The following PRDM5 variants were observed in gnomAD, a reference collection of about 807,000 sequenced individuals.
PRDM5 encodes the protein PR domain zinc finger protein 5.
A neutral mutation model predicts 81.2 loss-of-function variants in PRDM5; 56 were observed. The observed-to-expected ratio is 0.69, with a 90% confidence interval of 0.56 to 0.86. PRDM5 has a LOEUF of 0.86. Among genes scored for constraint, PRDM5 ranks in the 40% least tolerant of loss-of-function variants. The pLI is 0.00. For synonymous variants in PRDM5, 267 were observed against 256.4 expected, an observed-to-expected ratio of 1.04 and a Z score of -0.39; for missense variants, 697 against 770.1, an observed-to-expected ratio of 0.91 and a Z score of 1.12.
At chr4:120,838,891 G>T in intron 3 of PRDM5, 1 of 303,616 alleles carries the variant, frequency 3.3e-6, no homozygotes, top group Non-Finnish European at 6.3e-6. Flanking sequence ...GGAGCGGCAA[G>T]GGGTGTGAGA....
At chr4:120,739,200 C>A (rs1236921086) in intron 14 of PRDM5, among the ~76,000 whole-genome samples, 1 of 152,214 alleles carries the variant, frequency 6.6e-6, no homozygotes, top group Non-Finnish European at 1.5e-5. Flanking sequence ...TCTGTTCCAG[C>A]CTCGGATATC....
chr4:120,697,253 G>A (rs1404363059), intron 15 of PRDM5, among the ~76,000 whole-genome samples: 1 of 152,076 alleles, frequency 6.6e-6, no homozygotes, highest in Non-Finnish European at 1.5e-5. Context: ...TACAAAATGA[G>A]GCTGATAGAG....
Position 120,853,391 on chromosome 4 carries a change from G to C in PRDM5, c.300+27C>G, listed in dbSNP as rs1319781599. On this transcript the variant is annotated intron_variant, in intron 3 of 15. Transcript: ENST00000264808. ...AATTCATCCCCCCTCACAGTGCATAGTACAAATGAGAAGCAAATAAGCTCA... is the reference window on the plus strand; with the variant it reads ...AATTCATCCCCCCTCACAGTGCATACTACAAATGAGAAGCAAATAAGCTCA... The C allele has an allele frequency of 1.9e-6, 3 of 1,613,468 alleles. No homozygotes were observed. The South Asian group carries it at 3.3e-5, about 18-fold the overall frequency.
intron 15 of PRDM5, among the ~76,000 whole-genome samples, chr4:120,701,924 C>A (rs549824563): frequency 6.6e-6 from 1 of 152,168 alleles, no homozygotes; most frequent in Non-Finnish European, 1.5e-5. Flanking sequence ...ACTCTGAAAA[C>A]TAAAGCCTAG....
At position 120,922,723 on chromosome 4, in the gene PRDM5, A is replaced by C; in HGVS notation, c.-115T>G. The C allele has an allele frequency of 7.1e-7, 1 of 1,409,406 alleles. No homozygotes were observed. Among genetic ancestry groups the C allele is most frequent in the Non-Finnish European group, 9.8e-7 (1 of 1,025,514 alleles). The allele number at this position is 1,409,406 out of a possible 1,614,324, so 87.3% of individuals were successfully genotyped here. ...GGGGAGAAACCGGCAGGGAAGGAGG[A>C]AATGGAGTTTTCCTCCCAGAATCCC... On this transcript the variant is annotated 5_prime_UTR_variant, in exon 1 of 16. Coordinates refer to ENST00000264808, the MANE Select transcript of PRDM5 (RefSeq NM_018699.4).
chr4:120,870,657 C>T (rs343208), intron 2 of PRDM5, among the ~76,000 whole-genome samples: 2,741 of 152,226 alleles, frequency 0.018, 71 homozygotes, highest in African/African-American at 0.062. Context: ...GTGAATTAAA[C>T]GTGAAGCTGT....
At chr4:120,811,028 CCTT>C (rs1460463914) in intron 8 of PRDM5, among the ~76,000 whole-genome samples, 2 of 152,060 alleles carry the variant, frequency 1.3e-5, no homozygotes, top group Non-Finnish European at 2.9e-5. Context: ...AATACCATCT[CCTT>C]CTCTTTTGTA....
intron 14 of PRDM5, among the ~76,000 whole-genome samples, chr4:120,734,259 T>G (rs35588958): frequency 0.17 from 26,348 of 151,594 alleles, 2,822 homozygotes; most frequent in Non-Finnish European, 0.25. Context: ...TTGTTTGTTT[T>G]TTTTTTAGCA....
intron 2 of PRDM5, among the ~76,000 whole-genome samples, chr4:120,868,573 T>C (rs1487510163): frequency 4.6e-5 from 7 of 152,150 alleles, no homozygotes; most frequent in Non-Finnish European, 8.8e-5. Flanking sequence ...AGAGAGATGA[T>C]ACAAACTTAG....
At chr4:120,771,038 T>A (rs1747215877) in intron 13 of PRDM5, among the ~76,000 whole-genome samples, 1 of 152,158 alleles carries the variant, frequency 6.6e-6, no homozygotes, top group East Asian at 1.9e-4. Flanking sequence ...TTTCTTTTCA[T>A]GTTATTTAGT....
At chr4:120,714,844 T>G (rs1737518000) in intron 14 of PRDM5, among the ~76,000 whole-genome samples, 2 of 152,128 alleles carry the variant, frequency 1.3e-5, no homozygotes, top group Non-Finnish European at 2.9e-5. Context: ...TGTTTTAAGT[T>G]GATTTATTGC....
chr4:120,918,053 A>G (rs1724420284), intron 1 of PRDM5, among the ~76,000 whole-genome samples: 1 of 152,040 alleles, frequency 6.6e-6, no homozygotes, highest in Non-Finnish European at 1.5e-5. Context: ...TGTCTCTGTC[A>G]CTCGCTTTTC....
chr4:120,745,492 G>C (rs2149123736), intron 14 of PRDM5, among the ~76,000 whole-genome samples: 1 of 151,104 alleles, frequency 6.6e-6, no homozygotes, highest in East Asian at 1.9e-4. Context: ...AAGTCAAATT[G>C]TCCCTGTTTG....
rs1257354021 is a variant in PRDM5 at position 120,746,823 on chromosome 4, T to G, written c.1623+7730A>C. On this transcript the variant is annotated intron_variant, in intron 14 of 15. Transcript: ENST00000264808. ...GGATGTGGAGAAATAGGAACACTTTTACACTGTTGGTGGGACTGTAAACTA... is the reference window on the plus strand; with the variant it reads ...GGATGTGGAGAAATAGGAACACTTTGACACTGTTGGTGGGACTGTAAACTA... Among the ~76,000 whole-genome samples the G allele has an allele frequency of 1.8e-4, 26 of 144,782 alleles. 4 individuals carry two copies. Among genetic ancestry groups the G allele is most frequent in the African/African-American group, 6.2e-4 (24 of 39,010 alleles). The allele number at this position is 144,782 out of a possible 152,430, so 95.0% of individuals were successfully genotyped here. A position where few individuals can be genotyped will look rare whatever the true frequency, so the allele number is the denominator to read the frequency against.
At chr4:120,802,899 A>C (rs1752348684) in intron 8 of PRDM5, among the ~76,000 whole-genome samples, 1 of 152,222 alleles carries the variant, frequency 6.6e-6, no homozygotes, top group South Asian at 2.1e-4. Flanking sequence ...TCAGACGATC[A>C]AACTTCTCCG....
At chr4:120,891,650 T>TC (rs1210920485) in intron 2 of PRDM5, among the ~76,000 whole-genome samples, 3 of 150,616 alleles carry the variant, frequency 2.0e-5, no homozygotes, top group Non-Finnish European at 2.9e-5. Flanking sequence ...CTTTCTAACT[T>TC]TTTTTTTGAG....
rs149367073 is a variant in PRDM5 at position 120,798,284 on chromosome 4, A to G, written c.1171T>C (p.Tyr391His). The G allele has an allele frequency of 1.2e-6, 2 of 1,603,984 alleles. No individual in the cohort carries two copies. Among genetic ancestry groups the G allele is most frequent in the Non-Finnish European group, 1.7e-6 (2 of 1,175,086 alleles). ...CGKGFAHRNV[Y>H]KNHKKTHSEE... ...AGTTTTACCTTCTTATGATTCTTGT[A>G]AACATTTCTGTGGGCAAATCCCTTT... The change falls in exon 10 of 16, where the codon TAC becomes CAC. Residue 391 changes from tyrosine to histidine, a missense_variant. Tyr to His is a moderately conservative substitution (Grantham distance 83). Transcript: ENST00000264808.
intron 14 of PRDM5, among the ~76,000 whole-genome samples, chr4:120,715,719 C>T (rs576616067): frequency 1.3e-5 from 2 of 152,044 alleles, no homozygotes; most frequent in African/African-American, 2.4e-5. Flanking sequence ...AAGCTTAATC[C>T]CTACACTTTA....
intron 10 of PRDM5, among the ~76,000 whole-genome samples, chr4:120,795,428 G>A (rs80277954): frequency 0.2 from 30,293 of 151,966 alleles, 3,678 homozygotes; most frequent in Non-Finnish European, 0.28. Context: ...TTAAAGAATC[G>A]AAGTATATTT....
Sources: allele counts gnomAD v4.1 joint callset (sites outside exome capture counted in the v4.1 genomes callset), GRCh38; gene constraint gnomAD v4.1.1; transcripts MANE v1.5; gene names NCBI Gene and HGNC (gene_info 2026-07-23, HGNC 2026-07-21).